LNX2: variants seen among roughly 807,000 people sequenced by gnomAD.
LNX2 encodes ligand of numb-protein X 2.
In LNX2, 35 loss-of-function variants were observed where a neutral mutation model predicts 66.2. The observed-to-expected ratio is 0.53, with a 90% CI of 0.40 to 0.70. The LOEUF (loss-of-function observed/expected upper bound fraction) is 0.70, where lower values mean the gene tolerates loss of function less well. LNX2 is among the 30% of genes least tolerant of loss of function. The pLI, the probability that LNX2 is intolerant of heterozygous loss-of-function variation, is 0.00. For synonymous variants in LNX2, 337 were observed against 315.6 expected, an observed-to-expected ratio of 1.07 and a Z score of -0.72; for missense variants, 791 against 850.8, an observed-to-expected ratio of 0.93 and a Z score of 0.87.
chr13:27,562,398 G>A lies in LNX2; in HGVS notation c.1224+15C>T, dbSNP rs760493224. On this transcript the variant is annotated intron_variant, in intron 5 of 9. Transcript: ENST00000316334. Reference sequence around the variant, plus strand: ...TTTCGGCCAAGCCTTTGGAATGAAGGCCAAGAGGGTTTACCTGAATAATCT... The same window carrying A: ...TTTCGGCCAAGCCTTTGGAATGAAGACCAAGAGGGTTTACCTGAATAATCT... The A allele has an allele frequency of 1.2e-6, 2 of 1,603,706 alleles. No individual in the cohort carries two copies. Among genetic ancestry groups the A allele is most frequent in the Non-Finnish European group, 1.7e-6 (2 of 1,175,100 alleles).
At position 27,581,745 on chromosome 13, in the gene LNX2, C is replaced by G; in HGVS notation, c.-42G>C. 1 of 1,520,126 alleles carries G rather than the reference C, an allele frequency of 6.6e-7. No homozygotes were observed. The highest frequency in any genetic ancestry group is 8.9e-7 in the Non-Finnish European group (1 of 1,129,334). The allele number at this position is 1,520,126 out of a possible 1,614,324, so 94.2% of individuals were successfully genotyped here. A position where few individuals can be genotyped will look rare whatever the true frequency, so the allele number is the denominator to read the frequency against. On this transcript the variant is annotated 5_prime_UTR_variant, in exon 2 of 10. Transcript: ENST00000316334. ...ATCCTCATGTGTTAGACTTCCACTT[C>G]ACGCTTGGTTTCCTTTAACAGACAG...
intron 1 of LNX2, among the ~76,000 whole-genome samples, chr13:27,608,266 G>A (rs1955739012): frequency 6.6e-6 from 1 of 152,122 alleles, no homozygotes; most frequent in South Asian, 2.1e-4. Flanking sequence ...ACAACTCTAT[G>A]CTTTTGTCAT....
chr13:27,560,928 GAAGT>G (rs1014490657), intron 5 of LNX2, among the ~76,000 whole-genome samples: 25 of 152,196 alleles, frequency 1.6e-4, no homozygotes, highest in Admixed American at 7.9e-4. Flanking sequence ...CATTAGAAAA[GAAGT>G]AAGAAACAAG....
intron 1 of LNX2, among the ~76,000 whole-genome samples, chr13:27,583,255 T>TGTGC (rs1555268514): frequency 1.7e-5 from 1 of 58,530 alleles, no homozygotes; most frequent in African/African-American, 7.6e-5. Context: ...TGTGTGTGTG[T>TGTGC]GCGCGCGTCC....
chr13:27,598,970 C>T (rs1955627568), intron 1 of LNX2, among the ~76,000 whole-genome samples: 1 of 152,192 alleles, frequency 6.6e-6, no homozygotes, highest in Admixed American at 6.6e-5. Flanking sequence ...CCTCATTTCT[C>T]AGTCTCACAA....
At chr13:27,587,313 G>A (rs952843713) in intron 1 of LNX2, among the ~76,000 whole-genome samples, 1 of 151,786 alleles carries the variant, frequency 6.6e-6, no homozygotes, top group African/African-American at 2.4e-5. Context: ...TGCTCCTGCT[G>A]CCCTTTACAC....
At chr13:27,557,418 T>C (rs1417137987) in intron 6 of LNX2, among the ~76,000 whole-genome samples, 3 of 152,004 alleles carry the variant, frequency 2.0e-5, no homozygotes, top group Admixed American at 6.6e-5. Flanking sequence ...TTTGTATATG[T>C]TTATATAGTG....
rs139925447 is a variant in LNX2, at chr13:27,582,990, A to C, written c.-100-1187T>G. ...CATATGTCACACAGATTATAGAAAG[A>C]TACATCTGCATAGCGTATATAAATA... On this transcript the variant is annotated intron_variant, in intron 1 of 9. Coordinates refer to ENST00000316334, the MANE Select transcript of LNX2 (RefSeq NM_153371.4). Among the ~76,000 whole-genome samples the C allele has an allele frequency of 4.0e-3, 614 of 152,286 alleles. 2 individuals are homozygous for C. The highest frequency in any genetic ancestry group is 0.014 in the African/African-American group (580 of 41,556).
In LNX2 at chr13:27,571,167, C is replaced by T. The variant is rs117222727; in HGVS notation, c.408-1891G>A. Among the ~76,000 whole-genome samples the T allele has an allele frequency of 2.2e-4, 33 of 152,182 alleles. 1 individual carries two copies. In the East Asian group the frequency reaches 6.2e-3, roughly 28 times the overall value. ...CCATATTTAAATGAGATGGACCAGC[C>T]TGAGTAGATGAAATTGAACAACTAG... On this transcript the variant is annotated intron_variant, in intron 2 of 9. Coordinates refer to ENST00000316334, the MANE Select transcript of LNX2 (RefSeq NM_153371.4).
At chr13:27,608,514 G>A (rs1955741206) in intron 1 of LNX2, among the ~76,000 whole-genome samples, 1 of 151,986 alleles carries the variant, frequency 6.6e-6, no homozygotes, top group South Asian at 2.1e-4. Flanking sequence ...TCTACATTAA[G>A]CATGTATTAA....
chr13:27,599,453 G>C (rs1381586156), intron 1 of LNX2, among the ~76,000 whole-genome samples: 4 of 152,086 alleles, frequency 2.6e-5, no homozygotes, highest in African/African-American at 9.7e-5. Flanking sequence ...CTAGGTGTTT[G>C]AACAATTTGG....
At chr13:27,557,228 A>G (rs1286736265) in intron 6 of LNX2, among the ~76,000 whole-genome samples, 1 of 152,074 alleles carries the variant, frequency 6.6e-6, no homozygotes, top group Non-Finnish European at 1.5e-5. Flanking sequence ...GCATTATTTC[A>G]TTTAACCTTC....
intron 8 of LNX2, among the ~76,000 whole-genome samples, chr13:27,551,102 T>G (rs1327138412): frequency 6.6e-6 from 1 of 152,076 alleles, no homozygotes; most frequent in Non-Finnish European, 1.5e-5. Context: ...TGAAAAACAC[T>G]AACAAAAAAT....
At chr13:27,616,729 A>G (rs972162136) in intron 1 of LNX2, among the ~76,000 whole-genome samples, 1 of 152,230 alleles carries the variant, frequency 6.6e-6, no homozygotes, top group Non-Finnish European at 1.5e-5. Context: ...TTATTATTGT[A>G]ATGTCATGAG....
chr13:27,587,287 T>TC (rs554646294), intron 1 of LNX2, among the ~76,000 whole-genome samples: 3 of 151,934 alleles, frequency 2.0e-5, no homozygotes, highest in African/African-American at 4.8e-5. Context: ...TCTTGAGCGC[T>TC]CCCCCCCTTC....
At position 27,567,748 on chromosome 13, in the gene LNX2, A is replaced by T. The variant is rs199703346; in HGVS notation, c.747T>A (p.Ile249=). 1 of 1,613,918 alleles carries T rather than the reference A, an allele frequency of 6.2e-7. No individual in the cohort carries two copies. The highest frequency in any genetic ancestry group is 2.2e-5 in the East Asian group (1 of 44,870). The change falls in exon 4 of 10, where the codon ATT becomes ATA. Residue 249 remains isoleucine, a synonymous_variant. Transcript: ENST00000316334. The part of the protein sequence containing the change: ...SNPYIQLGIS[I]VGGNETPLIN... ...TCAAAGGTGTTTCGTTGCCACCCAC[A>T]ATGCTGATTCCTAACTGAATGTAAG... is the stretch of plus-strand genomic sequence containing the variant.
chr13:27,592,658 A>C (rs1955556568), intron 1 of LNX2, among the ~76,000 whole-genome samples: 1 of 151,582 alleles, frequency 6.6e-6, no homozygotes, highest in African/African-American at 2.4e-5. Flanking sequence ...GATGAGTGTA[A>C]GCAGCAAAGA....
chr13:27,595,574 C>T (rs922393346), intron 1 of LNX2, among the ~76,000 whole-genome samples: 20 of 152,224 alleles, frequency 1.3e-4, no homozygotes, highest in Admixed American at 1.3e-3. Flanking sequence ...ATTCCTACTA[C>T]TTCCTGATAA....
rs1470471515 is a variant in LNX2 at position 27,562,651 on chromosome 13, T to G, written c.986A>C (p.Asp329Ala). 6.2e-7 allele frequency: 1 copy of G among 1,614,018 alleles called. No individual in the cohort carries two copies. The highest frequency in any genetic ancestry group is 1.3e-5 in the African/African-American group (1 of 74,908). ...AATCTCTTCTCGTGGAGAGTTACTA[T>G]CAGAATGGTTGTGTGCTCGGTTGCC... Reference protein sequence around the residue: ...RFGNRAHNHSDSNSPREEIFQ... With the variant: ...RFGNRAHNHSASNSPREEIFQ... The change falls in exon 5 of 10, where the codon GAT becomes GCT. Residue 329 changes from aspartate (D) to alanine (A), a missense_variant. Physicochemically the swap from Asp to Ala is moderately radical, Grantham distance 126. Coordinates refer to ENST00000316334, the MANE Select transcript of LNX2 (RefSeq NM_153371.4).
Sources: gnomAD v4.1 joint callset for allele counts (sites outside exome capture counted in the v4.1 genomes callset) on GRCh38, gnomAD v4.1.1 for gene constraint, MANE v1.5 for transcripts, NCBI Gene and HGNC (gene_info 2026-07-23, HGNC 2026-07-21) for gene names.